CUX1: variants seen among roughly 807,000 people sequenced by gnomAD.
The protein encoded by CUX1 is cut like homeobox 1.
In CUX1, 31 loss-of-function variants were observed where a neutral mutation model predicts 158.8. The observed-to-expected ratio is 0.20, with a 90% CI of 0.15 to 0.26. The LOEUF is 0.26. Ranked by LOEUF, CUX1 falls within the 10% of genes least tolerant of loss-of-function variation. The pLI is 1.00. For synonymous variants in CUX1, 879 were observed against 862.1 expected, an observed-to-expected ratio of 1.02 and a Z score of -0.34; for missense variants, 1,589 against 2,014.6, an observed-to-expected ratio of 0.79 and a Z score of 4.04.
intron 23 of CUX1, among the ~76,000 whole-genome samples, chr7:102,243,360 C>T (rs1326652436): frequency 6.6e-6 from 1 of 152,100 alleles, no homozygotes; most frequent in Non-Finnish European, 1.5e-5. Flanking sequence ...ACAAAGCAGG[C>T]TGGGCTGAGT....
At chr7:102,137,094 C>T (rs1833985154) in intron 8 of CUX1, among the ~76,000 whole-genome samples, 1 of 152,176 alleles carries the variant, frequency 6.6e-6, no homozygotes, top group South Asian at 2.1e-4. Flanking sequence ...TTCTGATCCT[C>T]TTCTTTCATT....
chr7:102,073,165 C>CTTTTTTTTTTTTTTTTTT lies in CUX1; in HGVS notation c.268+2755_268+2772dup, dbSNP rs869202667. Among the ~76,000 whole-genome samples the CTTTTTTTTTTTTTTTTTT allele has an allele frequency of 7.0e-3, 469 of 66,862 alleles. 97 individuals carry two copies. The highest frequency in any genetic ancestry group is 0.012 in the African/African-American group (190 of 15,588). 43.9% of individuals were successfully genotyped at this position (66,862 alleles called of 152,430 possible). A position where few individuals can be genotyped will look rare whatever the true frequency, so the allele number is the denominator to read the frequency against. On this transcript the variant is annotated intron_variant, in intron 4 of 23. Coordinates refer to ENST00000292535, the MANE Select transcript of CUX1 (RefSeq NM_181552.4). ...AAATAATATGTAATCTCTTTTCTTT[C>CTTTTTTTTTTTTTTTTTT]TTTTTTTTTTTTTTTTTTTTTTTTC...
At chr7:101,821,849 G>GTTTTT (rs763323114) in intron 1 of CUX1, among the ~76,000 whole-genome samples, 3 of 69,788 alleles carry the variant, frequency 4.3e-5, no homozygotes, top group Non-Finnish European at 5.9e-5. Flanking sequence ...TAGTTTTTTT[G>GTTTTT]TTTTTTTGTT....
chr7:102,225,739 C>G (rs1586320752), intron 20 of CUX1, among the ~76,000 whole-genome samples: 1 of 152,228 alleles, frequency 6.6e-6, no homozygotes, highest in Admixed American at 6.5e-5. Flanking sequence ...TCTGCAGTCC[C>G]AGCTACTTGC....
In CUX1 at chr7:102,250,060, AAG is replaced by A. The variant is rs1278413231; in HGVS notation, c.*1020_*1021del. 2.0e-6 allele frequency: 2 copies of A among 979,410 alleles called. No homozygotes were observed. The highest frequency in any genetic ancestry group is 2.4e-6 in the Non-Finnish European group (2 of 826,174). 60.7% of individuals were successfully genotyped at this position (979,410 alleles called of 1,614,324 possible). On this transcript the variant is annotated 3_prime_UTR_variant, in exon 24 of 24. Coordinates refer to ENST00000292535, the MANE Select transcript of CUX1 (RefSeq NM_181552.4). Reference sequence around the variant, plus strand: ...AATCAGGACAAAAAAAAGAAAAAAAAAGAAAAAAAAAAAAGAAAAGATCCGAA... The same window carrying A: ...AATCAGGACAAAAAAAAGAAAAAAAAAAAAAAAAAAAAGAAAAGATCCGAA...
At chr7:102,242,566 C>G (rs1800339515) in intron 23 of CUX1, among the ~76,000 whole-genome samples, 1 of 152,206 alleles carries the variant, frequency 6.6e-6, no homozygotes, top group Non-Finnish European at 1.5e-5. Flanking sequence ...TCCTGCAATT[C>G]ACATCCATTT....
chr7:101,929,022 G>GA (rs1295749195), intron 2 of CUX1, among the ~76,000 whole-genome samples: 1 of 151,682 alleles, frequency 6.6e-6, no homozygotes, highest in African/African-American at 2.4e-5. Context: ...CTCACACCTA[G>GA]AATCCCAGCA....
rs140956109 is a variant in CUX1, at chr7:102,242,705, C to T, written c.3887+3121C>T. ...ATGTTCCCTGGCCCTGCTGGAGCCA[C>T]GTTTGTTTCCCAAGTCCCCCAACAG... On this transcript the variant is annotated intron_variant, in intron 23 of 23. Transcript: ENST00000292535. Among the ~76,000 whole-genome samples, 143 of 152,324 alleles carry T rather than the reference C, an allele frequency of 9.4e-4. 2 individuals carry two copies. The Middle Eastern group carries it at 0.024, about 25-fold the overall frequency.
chr7:101,995,353 G>T (rs1172273932), intron 2 of CUX1, among the ~76,000 whole-genome samples: 1 of 152,146 alleles, frequency 6.6e-6, no homozygotes, highest in Non-Finnish European at 1.5e-5. Context: ...AGCACGCCAG[G>T]TGCATCCTGT....
At chr7:101,963,346 C>T (rs1469741860) in intron 2 of CUX1, among the ~76,000 whole-genome samples, 1 of 152,184 alleles carries the variant, frequency 6.6e-6, no homozygotes, top group African/African-American at 2.4e-5. Context: ...GTATTCCATG[C>T]GCGACCACGG....
At chr7:102,004,787 A>T (rs1352708281) in intron 2 of CUX1, among the ~76,000 whole-genome samples, 2 of 152,170 alleles carry the variant, frequency 1.3e-5, no homozygotes, top group Non-Finnish European at 2.9e-5. Flanking sequence ...TACACAGTGC[A>T]GCAAGTAGAG....
chr7:102,095,112 G>C (rs1165897161), intron 4 of CUX1, among the ~76,000 whole-genome samples: 2 of 151,770 alleles, frequency 1.3e-5, no homozygotes, highest in Admixed American at 1.3e-4. Context: ...GACTTCTCAT[G>C]CCTTAAGCCC....
chr7:101,935,468 G>A (rs1806807433), intron 2 of CUX1, among the ~76,000 whole-genome samples: 1 of 152,224 alleles, frequency 6.6e-6, no homozygotes, highest in Non-Finnish European at 1.5e-5. Context: ...ACAAGGCCTG[G>A]CTCCGTCCAC....
At chr7:101,929,842 A>G (rs764644703) in intron 2 of CUX1, among the ~76,000 whole-genome samples, 2 of 151,594 alleles carry the variant, frequency 1.3e-5, no homozygotes, top group African/African-American at 2.4e-5. Context: ...CCAGAAGCCA[A>G]TTTTTTTTCT....
chr7:102,033,862 T>C (rs1034136528), intron 3 of CUX1, among the ~76,000 whole-genome samples: 15 of 152,074 alleles, frequency 9.9e-5, no homozygotes, highest in Admixed American at 2.0e-4. Context: ...GTCAGTCTTA[T>C]TGGCCACGCA....
intron 2 of CUX1, among the ~76,000 whole-genome samples, chr7:102,010,203 G>GATCACAT (rs1817831899): frequency 2.0e-5 from 3 of 152,036 alleles, no homozygotes; most frequent in Non-Finnish European, 4.4e-5. Flanking sequence ...AGACCAGCCT[G>GATCACAT]GCCAACATGG....
At chr7:102,247,316 G>A (rs1800912630) in intron 23 of CUX1, among the ~76,000 whole-genome samples, 1 of 152,136 alleles carries the variant, frequency 6.6e-6, no homozygotes, top group Non-Finnish European at 1.5e-5. Context: ...GATTAAAATT[G>A]TCACTTTGGC....
At chr7:101,895,654 A>G (rs1254662244) in intron 1 of CUX1, among the ~76,000 whole-genome samples, 1 of 152,126 alleles carries the variant, frequency 6.6e-6, no homozygotes, top group Non-Finnish European at 1.5e-5. Context: ...TAGGGGAAGA[A>G]AGATTTAAGA....
chr7:101,888,057 G>C (rs1800434779), intron 1 of CUX1, among the ~76,000 whole-genome samples: 1 of 152,154 alleles, frequency 6.6e-6, no homozygotes. Context: ...ATTGAGGCCG[G>C]GTGTGGTGGC....
Sources: gnomAD v4.1 joint callset for allele counts (sites outside exome capture counted in the v4.1 genomes callset) on GRCh38, gnomAD v4.1.1 for gene constraint, MANE v1.5 for transcripts, NCBI Gene and HGNC (gene_info 2026-07-23, HGNC 2026-07-21) for gene names.